MALRD1: variants seen among roughly 807,000 people sequenced by gnomAD.
The protein encoded by MALRD1 is MAM and LDL receptor class A domain containing 1.
In MALRD1, 247 loss-of-function variants were observed where a neutral mutation model predicts 242.1. The ratio of observed to expected loss-of-function variants is 1.02; its 90% CI spans 0.92 to 1.13. MALRD1 has a LOEUF of 1.13. Ranked by LOEUF, MALRD1 falls within the 50% of genes most tolerant of loss-of-function variation. MALRD1 has a pLI of 0.00. For missense variants in MALRD1, 2,989 were observed against 2,533.1 expected, an observed-to-expected ratio of 1.18 and a Z score of -3.86; for synonymous variants, 995 against 866.6, an observed-to-expected ratio of 1.15 and a Z score of -2.60.
At chr10:19,204,188 T>C (rs72786543) in intron 15 of MALRD1, 120 bp from the exon 16 acceptor site, 91,762 of 705,836 alleles carry the variant, frequency 0.13, 6,752 homozygotes, top group Middle Eastern at 0.18. Flanking sequence ...GATTGATTAT[T>C]GTATAATTTT....
rs537981379 is a variant in MALRD1, at chr10:19,074,327, A to C, written c.340+7468A>C. ...CAAGGGCATGCATATTTGGTGCTTAATGATTCCTTATGTCTCAAGCAGTAT... is the reference window on the plus strand; with the variant it reads ...CAAGGGCATGCATATTTGGTGCTTACTGATTCCTTATGTCTCAAGCAGTAT... On this transcript the variant is annotated intron_variant, in intron 2 of 39. Coordinates refer to ENST00000454679, the MANE Select transcript of MALRD1 (RefSeq NM_001142308.3). Among the ~76,000 whole-genome samples, 6 of 152,174 alleles carry C rather than the reference A, an allele frequency of 3.9e-5. No individual in the cohort carries two copies. In the South Asian group the frequency reaches 1.2e-3, roughly 32 times the overall value.
Position 19,088,049 on chromosome 10 carries a change from A to G in MALRD1, c.461A>G (p.Gln154Arg), listed in dbSNP as rs1297742290. ...CQITFYYFSC[Q>R]VSGKLMVGLQ... ...ATTACATTTTATTACTTCTCCTGCC[A>G]AGTGAGTGGCAAATTAATGGTTGGG... The change falls in exon 4 of 40, where the codon CAA (glutamine) becomes CGA (arginine). Residue 154 changes from glutamine to arginine, a missense_variant. Transcript: ENST00000454679. 1 of 1,233,464 alleles carries G rather than the reference A, an allele frequency of 8.1e-7. No individual in the cohort carries two copies. The highest frequency in any genetic ancestry group is 1.6e-5 in the African/African-American group (1 of 64,466). The allele number at this position is 1,233,464 out of a possible 1,614,324, so 76.4% of individuals were successfully genotyped here.
At chr10:19,261,355 A>G (rs1042396326) in intron 19 of MALRD1, among the ~76,000 whole-genome samples, 1 of 152,106 alleles carries the variant, frequency 6.6e-6, no homozygotes, top group African/African-American at 2.4e-5. Flanking sequence ...GGTCAAAACC[A>G]CAAGGCTTGT....
At position 19,133,910 on chromosome 10, in the gene MALRD1, G is replaced by C; in HGVS notation, c.1165G>C (p.Ala389Pro). The change falls in exon 9 of 40, where the codon GCA becomes CCA. Residue 389 changes from alanine to proline, a missense_variant. Physicochemically the swap from Ala to Pro is conservative, Grantham distance 27. Transcript: ENST00000454679. ...ATCAACTCACAGCCAATGGGTGAAAGCAGATGTGTTAATACCAGAAGATCT... is the reference window on the plus strand; with the variant it reads ...ATCAACTCACAGCCAATGGGTGAAACCAGATGTGTTAATACCAGAAGATCT... Reference protein sequence around the residue: ...NISTHSQWVKADVLIPEDLKT... With the variant: ...NISTHSQWVKPDVLIPEDLKT... 1 of 1,230,744 alleles carries C rather than the reference G, an allele frequency of 8.1e-7. No individual in the cohort carries two copies. The highest frequency in any genetic ancestry group is 4.2e-5 in the Admixed American group (1 of 23,692). 76.2% of individuals were successfully genotyped at this position (1,230,744 alleles called of 1,614,324 possible).
At chr10:19,337,888 C>T (rs929267991) in intron 24 of MALRD1, among the ~76,000 whole-genome samples, 2 of 151,756 alleles carry the variant, frequency 1.3e-5, no homozygotes, top group Non-Finnish European at 2.9e-5. Context: ...TTGTGAAACC[C>T]CATCTCCACT....
intron 39 of MALRD1, among the ~76,000 whole-genome samples, chr10:19,733,591 A>T (rs1408895341): frequency 6.6e-6 from 1 of 151,560 alleles, no homozygotes; most frequent in Non-Finnish European, 1.5e-5. Flanking sequence ...AAATGGGTAG[A>T]TATGGCTCTT....
intron 4 of MALRD1, among the ~76,000 whole-genome samples, chr10:19,103,566 T>TAAA (rs1349573768): frequency 3.0e-4 from 42 of 139,448 alleles, no homozygotes; most frequent in South Asian, 9.1e-4. Context: ...AAAAAAAAAA[T>TAAA]AAATAAAGAT....
chr10:19,463,464 G>A (rs1189047159), intron 29 of MALRD1, among the ~76,000 whole-genome samples: 1 of 152,030 alleles, frequency 6.6e-6, no homozygotes, highest in Non-Finnish European at 1.5e-5. Flanking sequence ...CCATTCCCAA[G>A]TTAGTTTACT....
chr10:19,219,779 A>G (rs1476137229), intron 18 of MALRD1, among the ~76,000 whole-genome samples: 1 of 152,108 alleles, frequency 6.6e-6, no homozygotes, highest in Non-Finnish European at 1.5e-5. Context: ...AACTAACATA[A>G]TATTGAAAGT....
intron 10 of MALRD1, among the ~76,000 whole-genome samples, chr10:19,138,951 C>T (rs1833448667): frequency 6.6e-6 from 1 of 152,076 alleles, no homozygotes; most frequent in African/African-American, 2.4e-5. Flanking sequence ...TGTTTCTCAA[C>T]AAAAACAGTG....
chr10:19,659,252 TATTC>T (rs1841310276), intron 36 of MALRD1, among the ~76,000 whole-genome samples: 1 of 152,184 alleles, frequency 6.6e-6, no homozygotes, highest in Non-Finnish European at 1.5e-5. Context: ...TAATAGCAAA[TATTC>T]ATAGAGTGTG....
At chr10:19,294,394 T>G (rs1301345834) in intron 21 of MALRD1, among the ~76,000 whole-genome samples, 1 of 152,184 alleles carries the variant, frequency 6.6e-6, no homozygotes, top group South Asian at 2.1e-4. Flanking sequence ...TTTTATGACA[T>G]CAGTATGCTC....
intron 19 of MALRD1, among the ~76,000 whole-genome samples, chr10:19,267,043 A>C (rs978521896): frequency 6.6e-6 from 1 of 152,066 alleles, no homozygotes; most frequent in East Asian, 1.9e-4. Context: ...TCAGCTGAAC[A>C]TATATGACAG....
At chr10:19,464,562 T>A (rs1262803399) in intron 29 of MALRD1, among the ~76,000 whole-genome samples, 2 of 152,188 alleles carry the variant, frequency 1.3e-5, no homozygotes, top group African/African-American at 4.8e-5. Context: ...TCTGTTCCAT[T>A]GGTCTATGTT....
intron 24 of MALRD1, among the ~76,000 whole-genome samples, chr10:19,341,086 A>C (rs535545750): frequency 6.6e-6 from 1 of 152,024 alleles, no homozygotes; most frequent in Non-Finnish European, 1.5e-5. Context: ...TTCGATATTA[A>C]TTTTTTAACC....
intron 38 of MALRD1, among the ~76,000 whole-genome samples, chr10:19,695,957 A>C (rs751928919): frequency 1.9e-4 from 29 of 152,168 alleles, no homozygotes; most frequent in Non-Finnish European, 3.7e-4. Context: ...CCCATGATTC[A>C]ATTACCTTCC....
At chr10:19,689,908 C>T (rs1842749634) in intron 36 of MALRD1, among the ~76,000 whole-genome samples, 1 of 152,042 alleles carries the variant, frequency 6.6e-6, no homozygotes, top group Admixed American at 6.6e-5. Context: ...TTTTTGGAAT[C>T]ATAGATTTCA....
intron 32 of MALRD1, among the ~76,000 whole-genome samples, chr10:19,544,245 G>A (rs959209159): frequency 6.6e-6 from 1 of 151,770 alleles, no homozygotes; most frequent in Non-Finnish European, 1.5e-5. Context: ...GCCGAAATGC[G>A]ATGGTGTGAT....
intron 18 of MALRD1, among the ~76,000 whole-genome samples, chr10:19,211,684 C>CAAAA (rs71387056): frequency 1.4e-3 from 94 of 67,352 alleles, no homozygotes; most frequent in Non-Finnish European, 1.6e-3. Flanking sequence ...TGACTCCTCA[C>CAAAA]AAAAAAAAAA....
Sources: gnomAD v4.1 joint callset for allele counts (sites outside exome capture counted in the v4.1 genomes callset) on GRCh38, gnomAD v4.1.1 for gene constraint, MANE v1.5 for transcripts, NCBI Gene and HGNC (gene_info 2026-07-23, HGNC 2026-07-21) for gene names.